Variants in ZNF385D observed in about 807,000 individuals in gnomAD.
ZNF385D encodes zinc finger protein 659.
ZNF385D carries 15 observed loss-of-function variants against 35.8 expected under a neutral mutation model. The ratio of observed to expected loss-of-function variants is 0.42; its 90% confidence interval spans 0.28 to 0.64. ZNF385D has a LOEUF of 0.64. Ranked by LOEUF, ZNF385D falls within the 30% of genes least tolerant of loss-of-function variation. ZNF385D has a pLI of 0.23. For missense variants in ZNF385D, 474 were observed against 494.6 expected (o/e 0.96, Z 0.39); for synonymous variants, 212 against 186.8 (o/e 1.13, Z -1.10).
intron 2 of ZNF385D, among the ~76,000 whole-genome samples, chr3:21,635,435 G>A (rs2065400031): frequency 1.3e-5 from 2 of 152,150 alleles, no homozygotes; most frequent in Middle Eastern, 3.4e-3. Flanking sequence ...TGAAGAAACT[G>A]AGTTACAATG....
chr3:21,535,658 C>T (rs537959553), intron 3 of ZNF385D, among the ~76,000 whole-genome samples: 1 of 151,770 alleles, frequency 6.6e-6, no homozygotes, highest in Admixed American at 6.5e-5. Context: ...TTTCATTCAG[C>T]TTGGCTCTTT....
chr3:22,043,636 G>C (rs547857682), intron 3 of ZNF385D, among the ~76,000 whole-genome samples: 78 of 152,094 alleles, frequency 5.1e-4, no homozygotes, highest in Non-Finnish European at 9.0e-4. Flanking sequence ...GCAGAGGAGA[G>C]AGGGTAGGTA....
At chr3:22,007,446 A>C (rs572022776) in intron 3 of ZNF385D, among the ~76,000 whole-genome samples, 2 of 152,338 alleles carry the variant, frequency 1.3e-5, no homozygotes, top group African/African-American at 2.4e-5. Flanking sequence ...CTTTGGATGA[A>C]TAACCTTGTG....
chr3:22,109,723 G>A (rs1370966704), intron 3 of ZNF385D, among the ~76,000 whole-genome samples: 2 of 152,206 alleles, frequency 1.3e-5, no homozygotes, highest in African/African-American at 2.4e-5. Flanking sequence ...TCTGGGCAAG[G>A]ACTTCATGCC....
chr3:21,656,067 T>G (rs1041386311), intron 2 of ZNF385D, among the ~76,000 whole-genome samples: 2 of 151,938 alleles, frequency 1.3e-5, no homozygotes, highest in African/African-American at 4.8e-5. Flanking sequence ...TAGCTCCAAA[T>G]AGAGAACTTT....
At chr3:22,150,162 G>C (rs1705127152) in intron 3 of ZNF385D, among the ~76,000 whole-genome samples, 3 of 152,096 alleles carry the variant, frequency 2.0e-5, no homozygotes, top group African/African-American at 4.8e-5. Context: ...AGAAAAGCTA[G>C]ACACAAAGTA....
At chr3:22,192,592 T>C (rs1010432960) in intron 2 of ZNF385D, among the ~76,000 whole-genome samples, 3 of 152,166 alleles carry the variant, frequency 2.0e-5, no homozygotes, top group African/African-American at 4.8e-5. Flanking sequence ...TGAACTACCA[T>C]GTTGAAAATG....
chr3:22,222,345 AT>A (rs1698310363), intron 2 of ZNF385D, among the ~76,000 whole-genome samples: 1 of 152,176 alleles, frequency 6.6e-6, no homozygotes, highest in Admixed American at 6.6e-5. Context: ...AGAAAAAAAA[AT>A]CTAAGATAAT....
Position 21,424,689 on chromosome 3 carries a change from C to CTTTT in ZNF385D, c.853-629_853-626dup, listed in dbSNP as rs58781852. Among the ~76,000 whole-genome samples the CTTTT allele has an allele frequency of 4.1e-4, 51 of 125,180 alleles. 3 individuals carry two copies. The highest frequency in any genetic ancestry group is 1.0e-3 in the African/African-American group (34 of 32,748). The allele number at this position is 125,180 out of a possible 152,430, so 82.1% of individuals were successfully genotyped here. ...TTTCTTCTTATCACTACACACATCTCTTTTTTTTTTTTTTTTGAAAAACAT... is the reference window on the plus strand; with the variant it reads ...TTTCTTCTTATCACTACACACATCTCTTTTTTTTTTTTTTTTTTTTGAAAAACAT... On this transcript the variant is annotated intron_variant, in intron 6 of 7. Coordinates refer to ENST00000281523, the MANE Select transcript of ZNF385D (RefSeq NM_024697.3).
At chr3:22,032,005 A>G (rs1698031649) in intron 3 of ZNF385D, among the ~76,000 whole-genome samples, 1 of 152,222 alleles carries the variant, frequency 6.6e-6, no homozygotes. Flanking sequence ...GGGCAGGGGC[A>G]AAATGCCACC....
intron 3 of ZNF385D, among the ~76,000 whole-genome samples, chr3:22,086,026 T>G (rs901883405): frequency 6.6e-6 from 1 of 152,150 alleles, no homozygotes; most frequent in Non-Finnish European, 1.5e-5. Context: ...AAACTCTCAA[T>G]AAATTAGGTG....
intron 3 of ZNF385D, among the ~76,000 whole-genome samples, chr3:22,069,106 G>A (rs908585476): frequency 6.6e-6 from 1 of 152,158 alleles, no homozygotes; most frequent in African/African-American, 2.4e-5. Flanking sequence ...CTAGCTACAG[G>A]TGTTTGTTGT....
At chr3:22,322,084 A>T (rs1694463566) in intron 2 of ZNF385D, among the ~76,000 whole-genome samples, 1 of 151,872 alleles carries the variant, frequency 6.6e-6, no homozygotes, top group Middle Eastern at 3.2e-3. Context: ...CTGTCACCAA[A>T]CTCTGATTAG....
At chr3:21,666,762 T>C (rs1290183393) in intron 1 of ZNF385D, among the ~76,000 whole-genome samples, 1 of 152,174 alleles carries the variant, frequency 6.6e-6, no homozygotes, top group Admixed American at 6.6e-5. Context: ...AAATAAATTT[T>C]TGGATGGTAC....
rs545278651 is a variant in ZNF385D at position 21,933,858 on chromosome 3, A to G, written c.325+234959T>C. Among the ~76,000 whole-genome samples the G allele has an allele frequency of 4.6e-5, 7 of 152,292 alleles. No homozygotes were observed. The East Asian group carries it at 1.3e-3, about 29-fold the overall frequency. On this transcript the variant is annotated intron_variant, in intron 3 of 5. Transcript: ENST00000494108. Reference sequence around the variant, plus strand: ...AATTCTCTTAGGTTTTGTTTTCTCAAGTCCAAAAGGGAGTTAATTACACTT... The same window carrying G: ...AATTCTCTTAGGTTTTGTTTTCTCAGGTCCAAAAGGGAGTTAATTACACTT...
chr3:22,036,805 G>C (rs1295670351), intron 3 of ZNF385D, among the ~76,000 whole-genome samples: 1 of 148,528 alleles, frequency 6.7e-6, no homozygotes, highest in Non-Finnish European at 1.5e-5. Context: ...TTGGTGTGCT[G>C]TACCCATTAA....
chr3:21,577,722 A>T (rs1310256671), intron 2 of ZNF385D, among the ~76,000 whole-genome samples: 1 of 151,452 alleles, frequency 6.6e-6, no homozygotes, highest in Non-Finnish European at 1.5e-5. Flanking sequence ...GTGGGATTAT[A>T]TTTCATTGTG....
At chr3:21,910,809 T>C (rs1699925333) in intron 3 of ZNF385D, among the ~76,000 whole-genome samples, 1 of 151,732 alleles carries the variant, frequency 6.6e-6, no homozygotes, top group African/African-American at 2.4e-5. Context: ...AATGGTGGCA[T>C]TTGAGTAATA....
chr3:21,480,392 C>T (rs1034337599), intron 4 of ZNF385D, among the ~76,000 whole-genome samples: 8 of 152,044 alleles, frequency 5.3e-5, no homozygotes, highest in African/African-American at 1.4e-4. Flanking sequence ...TGTGAGCCAC[C>T]GTGCCCAGCC....
Sources: gnomAD v4.1 joint callset for allele counts (sites outside exome capture counted in the v4.1 genomes callset) on GRCh38, gnomAD v4.1.1 for gene constraint, MANE v1.5 for transcripts, NCBI Gene and HGNC (gene_info 2026-07-23, HGNC 2026-07-21) for gene names.